RHOU: variants seen among roughly 807,000 people sequenced by gnomAD.
RHOU encodes the protein rho-related GTP-binding protein RhoU.
RHOU carries 8 observed loss-of-function variants against 12.6 expected under a neutral mutation model. The observed-to-expected ratio is 0.64, with a 90% CI of 0.37 to 1.15. RHOU has a LOEUF of 1.15. RHOU is among the 50% of genes most tolerant of loss of function. The pLI, the probability that RHOU is intolerant of heterozygous loss-of-function variation, is 0.01. For missense variants in RHOU, 258 were observed against 347.0 expected (o/e 0.74, Z 2.04); for synonymous variants, 161 against 147.4 (o/e 1.09, Z -0.67).
the RHOU span, among the ~76,000 whole-genome samples, chr1:228,676,824 T>C: frequency 1.3e-5 from 2 of 152,126 alleles, no homozygotes; most frequent in African/African-American, 4.8e-5. Flanking sequence ...GATTACAAAG[T>C]ACATTGATCA....
the RHOU span, among the ~76,000 whole-genome samples, chr1:228,647,066 T>A: frequency 6.6e-6 from 1 of 152,076 alleles, no homozygotes; most frequent in Non-Finnish European, 1.5e-5. Flanking sequence ...CGAGAACGTT[T>A]GAGCCTTAGA....
At chr1:228,671,207 G>T in the RHOU span, among the ~76,000 whole-genome samples, 1 of 152,078 alleles carries the variant, frequency 6.6e-6, no homozygotes, top group African/African-American at 2.4e-5. Flanking sequence ...TTTTCGCCAT[G>T]TTGGCAAGGC....
chr1:228,729,585 C>A, the RHOU span, among the ~76,000 whole-genome samples: 1 of 152,102 alleles, frequency 6.6e-6, no homozygotes, highest in Non-Finnish European at 1.5e-5. Context: ...AGACTGCATC[C>A]CTGAGTCTCC....
the RHOU span, among the ~76,000 whole-genome samples, chr1:228,668,540 G>A: frequency 6.6e-6 from 1 of 152,158 alleles, no homozygotes. Context: ...TGGTCGGTGA[G>A]GGCAAACCAC....
chr1:228,650,074 T>A, the RHOU span: 1 of 404,382 alleles, frequency 2.5e-6, no homozygotes, highest in South Asian at 1.8e-5. Flanking sequence ...GCATCTGCAA[T>A]CAGATTCATA....
rs1662788249 is a variant in RHOU, at chr1:228,744,545, A to G, written c.*805A>G. Reference sequence around the variant, plus strand: ...AGTGACATTTGCTTTCGGTACTGTAATACGTGCACCAAACTGCCTCAATCC... The same window carrying G: ...AGTGACATTTGCTTTCGGTACTGTAGTACGTGCACCAAACTGCCTCAATCC... On this transcript the variant is annotated 3_prime_UTR_variant, in exon 3 of 3. Coordinates refer to ENST00000366691, the MANE Select transcript of RHOU (RefSeq NM_021205.6). 1 of 152,186 alleles carries G rather than the reference A, an allele frequency of 6.6e-6. No homozygotes were observed. Among genetic ancestry groups the G allele is most frequent in the African/African-American group, 2.4e-5 (1 of 41,434 alleles). 9.4% of individuals were successfully genotyped at this position (152,186 alleles called of 1,614,324 possible).
At chr1:228,670,771 C>T in the RHOU span, among the ~76,000 whole-genome samples, 4 of 152,106 alleles carry the variant, frequency 2.6e-5, no homozygotes, top group Non-Finnish European at 5.9e-5. Context: ...TCTCCCTTGC[C>T]GTTCTCATGA....
chr1:228,653,565 C>T, the RHOU span, among the ~76,000 whole-genome samples: 1 of 152,172 alleles, frequency 6.6e-6, no homozygotes, highest in Admixed American at 6.5e-5. Flanking sequence ...GTGATCCACC[C>T]ACTTCGGCCT....
chr1:228,676,562 C>T, the RHOU span, among the ~76,000 whole-genome samples: 1 of 152,146 alleles, frequency 6.6e-6, no homozygotes, highest in African/African-American at 2.4e-5. Context: ...TATATATTGT[C>T]ACACACGTCC....
the RHOU span, among the ~76,000 whole-genome samples, chr1:228,706,351 G>A: frequency 1.3e-5 from 2 of 152,218 alleles, no homozygotes; most frequent in East Asian, 1.9e-4. Context: ...AACCAGAAGA[G>A]CTTCAGAGGG....
chr1:228,670,998 C>G, the RHOU span, among the ~76,000 whole-genome samples: 1 of 151,996 alleles, frequency 6.6e-6, no homozygotes. Flanking sequence ...ATTACCCAGT[C>G]TTAAGTTGTT....
chr1:228,718,624 C>T, the RHOU span, among the ~76,000 whole-genome samples: 1 of 152,176 alleles, frequency 6.6e-6, no homozygotes, highest in African/African-American at 2.4e-5. Context: ...AGTAGAGGCC[C>T]AGAGTCTTAG....
At chr1:228,684,307 G>A in the RHOU span, among the ~76,000 whole-genome samples, 1 of 150,126 alleles carries the variant, frequency 6.7e-6, no homozygotes, top group Non-Finnish European at 1.5e-5. Context: ...ACTGTGCTGA[G>A]ATTACCCATG....
At chr1:228,664,201 T>C in the RHOU span, among the ~76,000 whole-genome samples, 1 of 149,722 alleles carries the variant, frequency 6.7e-6, no homozygotes, top group African/African-American at 2.5e-5. Flanking sequence ...GTAGTTTTTG[T>C]AGAGGCGAGG....
the RHOU span, among the ~76,000 whole-genome samples, chr1:228,655,101 C>T: frequency 1.3e-5 from 2 of 151,192 alleles, no homozygotes; most frequent in African/African-American, 4.9e-5. Flanking sequence ...TTACTATTAA[C>T]CTTGCTTTTT....
chr1:228,697,474 T>C, the RHOU span, among the ~76,000 whole-genome samples: 8 of 152,196 alleles, frequency 5.3e-5, no homozygotes, highest in African/African-American at 1.9e-4. Flanking sequence ...ACCAATAGTG[T>C]TGGGCAACAA....
the RHOU span, among the ~76,000 whole-genome samples, chr1:228,652,060 A>G: frequency 3.3e-5 from 5 of 152,232 alleles, no homozygotes; most frequent in Non-Finnish European, 7.3e-5. Context: ...CTACACTTGA[A>G]TAAGTATGAC....
chr1:228,659,966 C>CA, the RHOU span, among the ~76,000 whole-genome samples: 2,357 of 76,646 alleles, frequency 0.031, 29 homozygotes, highest in East Asian at 0.075. Context: ...AAAAAAAAAA[C>CA]AAAAAAAAAA....
At chr1:228,666,023 T>A in the RHOU span, among the ~76,000 whole-genome samples, 1 of 151,618 alleles carries the variant, frequency 6.6e-6, no homozygotes. Context: ...AGTGGTGTGA[T>A]CTCGGCTCAC....
Sources: allele counts gnomAD v4.1 joint callset (sites outside exome capture counted in the v4.1 genomes callset), GRCh38; gene constraint gnomAD v4.1.1; transcripts MANE v1.5; gene names NCBI Gene and HGNC (gene_info 2026-07-23, HGNC 2026-07-21).